Variants in MACROD2 observed in about 807,000 individuals in gnomAD.
The protein encoded by MACROD2 is mono-ADP ribosylhydrolase 2.
In MACROD2, 36 loss-of-function variants were observed where a neutral mutation model predicts 70.4. The observed-to-expected ratio is 0.51, with a 90% CI of 0.39 to 0.68. The LOEUF (loss-of-function observed/expected upper bound fraction) is 0.68. Ranked by LOEUF, MACROD2 falls within the 30% of genes least tolerant of loss-of-function variation. MACROD2 has a pLI of 0.00. For missense variants in MACROD2, 496 were observed against 538.4 expected, an observed-to-expected ratio of 0.92 and a Z score of 0.78; for synonymous variants, 172 against 178.8, an observed-to-expected ratio of 0.96 and a Z score of 0.30.
At position 15,086,472 on chromosome 20, in the gene MACROD2, C is replaced by G. The variant is rs59971842; in HGVS notation, c.419-143468C>G. ...TACCTGAGTCTCCCTCTACTCTGGC[C>G]CCAATCCCCTGTTGAAAACCACAGT... is the stretch of plus-strand genomic sequence containing the variant. On this transcript the variant is annotated intron_variant, in intron 5 of 17. Transcript: ENST00000684519. Among the ~76,000 whole-genome samples the G allele has an allele frequency of 3.5e-3, 538 of 152,170 alleles. 3 individuals carry two copies. Among genetic ancestry groups the G allele is most frequent in the African/African-American group, 0.012 (501 of 41,524 alleles).
In MACROD2 at chr20:15,120,350, T is replaced by G. The variant is rs1490942443; in HGVS notation, c.419-109590T>G. Among the ~76,000 whole-genome samples the G allele has an allele frequency of 2.0e-5, 3 of 152,148 alleles. 1 individual carries two copies. On this transcript the variant is annotated intron_variant, in intron 5 of 17. Transcript: ENST00000684519. ...CTTTCATGGGAGTTCTGATGTCACT[T>G]TTTGACAAAATTCATTGTGAACTTT...
At chr20:15,699,009 A>G (rs1273433600) in intron 8 of MACROD2, among the ~76,000 whole-genome samples, 1 of 151,962 alleles carries the variant, frequency 6.6e-6, no homozygotes, top group African/African-American at 2.4e-5. Context: ...ATTTCTTTGC[A>G]TTGGGCTACG....
At chr20:15,442,078 A>G (rs1169386173) in intron 7 of MACROD2, among the ~76,000 whole-genome samples, 1 of 152,158 alleles carries the variant, frequency 6.6e-6, no homozygotes, top group Admixed American at 6.6e-5. Flanking sequence ...GTCTTGAATG[A>G]CATTCCTTTT....
Position 15,631,033 on chromosome 20 carries a change from G to A in MACROD2, c.645+131186G>A, listed in dbSNP as rs182456679. ...AAAGGGAATATTTATAGGAAGGTCT[G>A]CCTTTCTGAATACGTAACTAAAAAT... On this transcript the variant is annotated intron_variant, in intron 8 of 17. Transcript: ENST00000684519. Among the ~76,000 whole-genome samples the A allele has an allele frequency of 2.6e-5, 4 of 152,318 alleles. No individual in the cohort carries two copies. In the East Asian group the frequency reaches 7.7e-4, roughly 29 times the overall value.
chr20:14,056,893 C>T (rs976424479), intron 2 of MACROD2, among the ~76,000 whole-genome samples: 3 of 151,188 alleles, frequency 2.0e-5, no homozygotes, highest in African/African-American at 7.3e-5. Flanking sequence ...TTTTGTATTA[C>T]TGTTGTGTGT....
chr20:14,737,752 C>CT (rs11482496), intron 5 of MACROD2, among the ~76,000 whole-genome samples: 1,659 of 152,158 alleles, frequency 0.011, 27 homozygotes, highest in African/African-American at 0.038. Flanking sequence ...TAAATGTTTT[C>CT]TTTGAGAAGT....
At chr20:14,977,274 A>T (rs2074748364) in intron 5 of MACROD2, among the ~76,000 whole-genome samples, 1 of 151,146 alleles carries the variant, frequency 6.6e-6, no homozygotes, top group South Asian at 2.1e-4. Context: ...AGCACATCAG[A>T]TCAAGCTCTT....
intron 7 of MACROD2, among the ~76,000 whole-genome samples, chr20:15,434,952 T>G (rs2046409584): frequency 6.6e-6 from 1 of 152,116 alleles, no homozygotes; most frequent in South Asian, 2.1e-4. Context: ...GTTCTCACTT[T>G]GATGTTAGAA....
At chr20:15,870,133 G>A (rs962404768) in intron 9 of MACROD2, among the ~76,000 whole-genome samples, 2 of 151,728 alleles carry the variant, frequency 1.3e-5, no homozygotes, top group Non-Finnish European at 2.9e-5. Context: ...AAATATTATT[G>A]ATATGAATAT....
chr20:15,214,790 A>G (rs1026654265), intron 5 of MACROD2, among the ~76,000 whole-genome samples: 1 of 152,214 alleles, frequency 6.6e-6, no homozygotes, highest in Non-Finnish European at 1.5e-5. Flanking sequence ...AGGAGGAGAT[A>G]AGCAGTAAGA....
intron 2 of MACROD2, among the ~76,000 whole-genome samples, chr20:14,006,694 A>T (rs1462731330): frequency 2.0e-5 from 3 of 152,098 alleles, no homozygotes; most frequent in African/African-American, 7.2e-5. Flanking sequence ...AGTCACTTTT[A>T]ATCTATAGTT....
chr20:14,325,496 A>G, intron 3 of MACROD2: 1 of 1,524,084 alleles, frequency 6.6e-7, no homozygotes, highest in East Asian at 2.3e-5. Flanking sequence ...CAGGGTTCCT[A>G]CCATCACCTC....
chr20:15,785,151 CAA>C (rs398035431), intron 8 of MACROD2, among the ~76,000 whole-genome samples: 262 of 103,572 alleles, frequency 2.5e-3, no homozygotes, highest in African/African-American at 6.3e-3. Context: ...GACTCCGTCT[CAA>C]AAAAAAAAAA....
At chr20:15,613,825 C>T (rs567199466) in intron 8 of MACROD2, among the ~76,000 whole-genome samples, 5 of 152,242 alleles carry the variant, frequency 3.3e-5, no homozygotes, top group East Asian at 1.9e-4. Flanking sequence ...AAAGTCTGAC[C>T]GTGTTATCTT....
chr20:14,718,013 G>C (rs2071416416), intron 5 of MACROD2, among the ~76,000 whole-genome samples: 1 of 152,074 alleles, frequency 6.6e-6, no homozygotes, highest in South Asian at 2.1e-4. Context: ...AATGTATACA[G>C]AGATGGTGCG....
chr20:15,387,064 G>A (rs756097671), intron 6 of MACROD2, among the ~76,000 whole-genome samples: 12 of 152,082 alleles, frequency 7.9e-5, no homozygotes, highest in Non-Finnish European at 1.0e-4. Context: ...TGAGAGAAAC[G>A]CCTGTTTCCC....
intron 3 of MACROD2, among the ~76,000 whole-genome samples, chr20:14,120,641 G>T (rs547360244): frequency 1.4e-4 from 21 of 151,134 alleles, no homozygotes; most frequent in African/African-American, 5.1e-4. Context: ...ATCAATGATA[G>T]ACTAGATAAA....
chr20:15,646,573 C>G (rs1037615136), intron 8 of MACROD2, among the ~76,000 whole-genome samples: 2 of 152,170 alleles, frequency 1.3e-5, no homozygotes, highest in African/African-American at 4.8e-5. Context: ...ACCCAAATCT[C>G]ATCTTGAATT....
intron 5 of MACROD2, among the ~76,000 whole-genome samples, chr20:14,774,975 T>C (rs2072215691): frequency 6.6e-6 from 1 of 152,254 alleles, no homozygotes; most frequent in South Asian, 2.1e-4. Context: ...AAAGCAAAAT[T>C]TGTTGCTGTA....
Sources: gnomAD v4.1 joint callset for allele counts (sites outside exome capture counted in the v4.1 genomes callset) on GRCh38, gnomAD v4.1.1 for gene constraint, MANE v1.5 for transcripts, NCBI Gene and HGNC (gene_info 2026-07-23, HGNC 2026-07-21) for gene names.